Variants in ANKRD28 observed in about 807,000 individuals in gnomAD.
ANKRD28 encodes serine/threonine-protein phosphatase 6 regulatory ankyrin repeat subunit A.
In ANKRD28, 44 loss-of-function variants were observed where a neutral mutation model predicts 126.5. The observed-to-expected ratio is 0.35, with a 90% CI of 0.27 to 0.45. The LOEUF (loss-of-function observed/expected upper bound fraction) is 0.45. Among genes scored for constraint, ANKRD28 ranks in the 20% least tolerant of loss-of-function variants. The pLI is 1.00. For synonymous variants in ANKRD28, 442 were observed against 468.5 expected (o/e 0.94, Z 0.73); for missense variants, 1,110 against 1,316.6 (o/e 0.84, Z 2.43).
intron 3 of ANKRD28, among the ~76,000 whole-genome samples, chr3:15,760,901 A>C (rs1195035423): frequency 6.6e-6 from 1 of 152,206 alleles, no homozygotes; most frequent in Non-Finnish European, 1.5e-5. Context: ...ACATCACTTA[A>C]AGGGCCAAGG....
At chr3:15,807,864 T>C (rs2060619939) in intron 1 of ANKRD28, among the ~76,000 whole-genome samples, 1 of 152,224 alleles carries the variant, frequency 6.6e-6, no homozygotes. Context: ...CAATATAAGA[T>C]AATACTTTTA....
chr3:15,790,602 T>TA (rs1449560717), intron 2 of ANKRD28, among the ~76,000 whole-genome samples: 1 of 152,036 alleles, frequency 6.6e-6, no homozygotes, highest in Non-Finnish European at 1.5e-5. Flanking sequence ...CCCTTCATGA[T>TA]AAAAACCCTC....
intron 6 of ANKRD28, among the ~76,000 whole-genome samples, chr3:15,733,902 G>A (rs1308125217): frequency 6.6e-6 from 1 of 151,984 alleles, no homozygotes; most frequent in Non-Finnish European, 1.5e-5. Flanking sequence ...GGGCCTTGTG[G>A]GTATCTATAA....
intron 27 of ANKRD28, among the ~76,000 whole-genome samples, chr3:15,672,375 T>C (rs1575068419): frequency 1.3e-5 from 2 of 152,182 alleles, no homozygotes; most frequent in Admixed American, 1.3e-4. Flanking sequence ...CTGCTGGCTT[T>C]AAGTGATCTT....
intron 1 of ANKRD28, among the ~76,000 whole-genome samples, chr3:15,821,527 T>G (rs1016416463): frequency 2.0e-4 from 31 of 152,168 alleles, no homozygotes; most frequent in African/African-American, 7.0e-4. Context: ...TCACAATATA[T>G]AGCAGAATAA....
At chr3:15,753,907 C>A (rs913528143) in intron 3 of ANKRD28, among the ~76,000 whole-genome samples, 2 of 152,164 alleles carry the variant, frequency 1.3e-5, no homozygotes, top group Non-Finnish European at 2.9e-5. Context: ...TTGCACCACA[C>A]ACTCCAGCCT....
At chr3:15,798,148 C>T, upstream of ANKRD28, 1 of 985,386 alleles carries the variant, frequency 1.0e-6, no homozygotes, top group Non-Finnish European at 1.2e-6. Context: ...CTAAAAGCCA[C>T]AAGGAAATCT....
At position 15,796,729 on chromosome 3, in the gene ANKRD28, AC is replaced by A; in HGVS notation, c.-209del. The A allele has an allele frequency of 2.0e-6, 2 of 987,276 alleles. No individual in the cohort carries two copies. Among genetic ancestry groups the A allele is most frequent in the Non-Finnish European group, 2.4e-6 (2 of 828,848 alleles). The allele number at this position is 987,276 out of a possible 1,614,324, so 61.2% of individuals were successfully genotyped here. A position where few individuals can be genotyped will look rare whatever the true frequency, so the allele number is the denominator to read the frequency against. ...CATAATTTGTAACTTCCTAAATATA[AC>A]GAAATTCTATTATTTCTGTTGGATT... On this transcript the variant is annotated 5_prime_UTR_variant, in exon 1 of 28. Coordinates refer to ENST00000683139, the MANE Select transcript of ANKRD28 (RefSeq NM_001349278.2).
rs140847795 is a variant in ANKRD28 at position 15,683,023 on chromosome 3, T to C, written c.2389+2203A>G. Among the ~76,000 whole-genome samples, 701 of 152,296 alleles carry C rather than the reference T, an allele frequency of 4.6e-3. 17 individuals are homozygous for C. Among genetic ancestry groups the C allele is most frequent in the East Asian group, 0.024 (123 of 5,188 alleles). On this transcript the variant is annotated intron_variant, in intron 21 of 27. Transcript: ENST00000683139. ...GAGTCTAAATTTAGCAGTGATAGAGTAGGAACTCACTTTAGGGAAAATGTT... is the reference window on the plus strand; with the variant it reads ...GAGTCTAAATTTAGCAGTGATAGAGCAGGAACTCACTTTAGGGAAAATGTT...
intron 1 of ANKRD28, among the ~76,000 whole-genome samples, chr3:15,828,481 T>C (rs2125927360): frequency 6.6e-6 from 1 of 152,124 alleles, no homozygotes; most frequent in South Asian, 2.1e-4. Context: ...CTAAATATGT[T>C]TTCTGTTTCT....
chr3:15,828,190 G>GA (rs1172122700), intron 1 of ANKRD28, among the ~76,000 whole-genome samples: 1 of 152,134 alleles, frequency 6.6e-6, no homozygotes, highest in African/African-American at 2.4e-5. Context: ...GATGAATGGA[G>GA]AATTAGATCT....
At chr3:15,807,693 C>T (rs1224155025) in intron 1 of ANKRD28, among the ~76,000 whole-genome samples, 2 of 152,056 alleles carry the variant, frequency 1.3e-5, no homozygotes, top group African/African-American at 4.8e-5. Context: ...ATCTAGAAAC[C>T]ATTTCATAAA....
chr3:15,856,565 C>T (rs560513764), intron 1 of ANKRD28, among the ~76,000 whole-genome samples: 140 of 152,226 alleles, frequency 9.2e-4, no homozygotes, highest in Non-Finnish European at 1.4e-3. Context: ...AAAATGTGTC[C>T]ATTCCTATAA....
intron 2 of ANKRD28, among the ~76,000 whole-genome samples, chr3:15,785,773 A>G (rs1034795585): frequency 4.6e-5 from 7 of 152,136 alleles, no homozygotes; most frequent in Non-Finnish European, 8.8e-5. Flanking sequence ...TAGTAGCTTT[A>G]TTCATAACTG....
intron 8 of ANKRD28, among the ~76,000 whole-genome samples, chr3:15,719,132 C>G (rs1053678438): frequency 6.6e-6 from 1 of 152,110 alleles, no homozygotes; most frequent in Admixed American, 6.6e-5. Context: ...TTTGTGACAT[C>G]TCATGTTTTT....
chr3:15,740,742 T>C, intron 4 of ANKRD28, among the ~76,000 whole-genome samples: 1 of 152,228 alleles, frequency 6.6e-6, no homozygotes, highest in Non-Finnish European at 1.5e-5. Flanking sequence ...TCAATTCTAC[T>C]TTTTTGTTTC....
At position 15,691,654 on chromosome 3, in the gene ANKRD28, T is replaced by C. The variant is rs117451413; in HGVS notation, c.1762-1434A>G. Among the ~76,000 whole-genome samples the C allele has an allele frequency of 3.0e-4, 46 of 152,342 alleles. No homozygotes were observed. The East Asian group carries it at 5.2e-3, about 17-fold the overall frequency. The stretch of plus-strand genomic sequence containing the variant: ...CTCACTGATCTCTTTATAATGAATC[T>C]GTGTAGAAACTTGACTACTTAAGCT... On this transcript the variant is annotated intron_variant, in intron 17 of 27. Transcript: ENST00000683139.
At chr3:15,834,737 A>C (rs187142533) in intron 1 of ANKRD28, among the ~76,000 whole-genome samples, 2 of 152,334 alleles carry the variant, frequency 1.3e-5, no homozygotes, top group East Asian at 3.9e-4. Context: ...TTTTCTAAGA[A>C]GCAAAAACAA....
intron 15 of ANKRD28, 44 bp downstream of exon 15, chr3:15,696,090 T>A: frequency 7.7e-7 from 1 of 1,295,928 alleles, no homozygotes; most frequent in South Asian, 1.3e-5. Flanking sequence ...ATTATTAGAC[T>A]ATAAACTCCC....
Sources: allele counts gnomAD v4.1 joint callset (sites outside exome capture counted in the v4.1 genomes callset), GRCh38; gene constraint gnomAD v4.1.1; transcripts MANE v1.5; gene names NCBI Gene and HGNC (gene_info 2026-07-23, HGNC 2026-07-21).